The following CXorf66 variants were observed in gnomAD, a reference collection of about 807,000 sequenced individuals.
The protein encoded by CXorf66 is chromosome X open reading frame 66, also known as uncharacterized protein CXorf66.
CXorf66 carries 6 observed loss-of-function variants against 5.0 expected under a neutral mutation model. That is an observed-to-expected ratio of 1.20 (90% CI 0.65 to 2.36). The LOEUF (loss-of-function observed/expected upper bound fraction) is 2.36, where lower values mean the gene tolerates loss of function less well. CXorf66 is among the 30% of genes most tolerant of loss of function. CXorf66 has a pLI of 0.00. For missense variants in CXorf66, 270 were observed against 254.9 expected, an observed-to-expected ratio of 1.06 and a Z score of -0.40; for synonymous variants, 98 against 102.8, an observed-to-expected ratio of 0.95 and a Z score of 0.28.
intron 1 of CXorf66, among the ~76,000 whole-genome samples, chrX:139,960,086 G>A (rs2085588158): frequency 9.0e-6 from 1 of 110,565 alleles, no homozygotes; most frequent in Non-Finnish European, 1.9e-5. Context: ...TTGATGAATT[G>A]ACAGAAGTAG....
chrX:139,958,999 G>T (rs2085583936), intron 1 of CXorf66, among the ~76,000 whole-genome samples: 1 of 111,973 alleles, frequency 8.9e-6, no homozygotes, highest in African/African-American at 3.2e-5. Flanking sequence ...GGCTATTTGG[G>T]CAGACACAGA....
intron 1 of CXorf66, among the ~76,000 whole-genome samples, chrX:139,959,677 G>C (rs2085586537): frequency 8.9e-6 from 1 of 111,750 alleles, no homozygotes; most frequent in South Asian, 3.8e-4. Context: ...GGAGAGCTCT[G>C]GCTGGCATCA....
At chrX:139,962,418 G>T (rs954020086) in intron 1 of CXorf66, among the ~76,000 whole-genome samples, 9 of 111,331 alleles carry the variant, frequency 8.1e-5, no homozygotes, top group African/African-American at 2.6e-4. Context: ...TTCTGAAATT[G>T]AGGCAGTAAT....
chrX:139,965,046 G>A (rs900835184), intron 1 of CXorf66, among the ~76,000 whole-genome samples: 2 of 110,975 alleles, frequency 1.8e-5, no homozygotes, highest in Non-Finnish European at 3.8e-5. Context: ...AAACCTGCAC[G>A]TTCTGCACAT....
At chrX:139,956,846 T>C in intron 2 of CXorf66, 107 bp from the exon 3 acceptor site, 1 of 782,687 alleles carries the variant, frequency 1.3e-6, no homozygotes, top group Non-Finnish European at 1.8e-6. Flanking sequence ...TTTGGGGCTT[T>C]AATATGAAAA....
chrX:139,961,288 C>A (rs1007839235), intron 1 of CXorf66, among the ~76,000 whole-genome samples: 1 of 111,333 alleles, frequency 9.0e-6, no homozygotes, highest in Non-Finnish European at 1.9e-5. Context: ...ATCCTAGCCT[C>A]TGAAAAAACG....
chrX:139,962,814 A>T (rs1008373169), intron 1 of CXorf66, among the ~76,000 whole-genome samples: 10 of 112,156 alleles, frequency 8.9e-5, no homozygotes, highest in African/African-American at 3.2e-4. Context: ...AGAACCAATT[A>T]CAAAAGCCAC....
In CXorf66 at chrX:139,955,886, TG is replaced by T; in HGVS notation, c.*9del. On this transcript the variant is annotated 3_prime_UTR_variant, in exon 3 of 3. Transcript: ENST00000370540. ...CTCTTTCACACTTGGATTTTATTTT[TG>T]TTGAGCTCCTAATCATTTAGGGTTA... 2 of 1,164,158 alleles carry T rather than the reference TG, an allele frequency of 1.7e-6. No individual in the cohort carries two copies. Among genetic ancestry groups the T allele is most frequent in the Non-Finnish European group, 2.3e-6 (2 of 873,822 alleles).
chrX:139,960,104 A>G lies in CXorf66; in HGVS notation c.89-1887T>C, dbSNP rs1342202453. On this transcript the variant is annotated intron_variant, in intron 1 of 2. Transcript: ENST00000370540. Reference sequence around the variant, plus strand: ...ATGAATTGACAGAAGTAGACTTCAGAAGATGGGTAATAACAAACTCCTCTG... The same window carrying G: ...ATGAATTGACAGAAGTAGACTTCAGGAGATGGGTAATAACAAACTCCTCTG... Among the ~76,000 whole-genome samples the G allele has an allele frequency of 4.5e-5, 5 of 110,608 alleles. No individual in the cohort carries two copies. In the Admixed American group the frequency reaches 4.9e-4, roughly 11 times the overall value.
Position 139,958,012 on chromosome X carries a change from T to TA in CXorf66, c.242+51dup, listed in dbSNP as rs2085579862. 1.2e-5 allele frequency: 13 copies of TA among 1,089,437 alleles called. No individual in the cohort carries two copies. In the South Asian group the frequency reaches 3.1e-4, roughly 26 times the overall value. The allele number at this position is 1,089,437 out of a possible 1,213,427, so 89.8% of individuals were successfully genotyped here. On this transcript the variant is annotated intron_variant, in intron 2 of 2. Transcript: ENST00000370540. ...CTGAACAACAATGAAACCTCCGCTA[T>TA]ATGTACACACACACACACCTCGCAC... is the stretch of plus-strand genomic sequence containing the variant.
rs759094736 is a variant in CXorf66 at position 139,956,292 on chromosome X, T to C, written c.690A>G (p.Pro230=). Residue 230 remains proline, a synonymous_variant, in exon 3 of 3, where the codon CCA becomes CCG. Coordinates refer to ENST00000370540, the MANE Select transcript of CXorf66 (RefSeq NM_001013403.3). ...GCTTAGCCAATTCCTGTGGACCGAA[T>C]GGCTTGGATGGTGAGATTTCATTTT... is the stretch of plus-strand genomic sequence containing the variant. ...HPQNEISPSK[P]FGPQELAKPP... is the part of the protein sequence containing the mutation. 142 of 1,209,994 alleles carry C rather than the reference T, an allele frequency of 1.2e-4. No individual in the cohort carries two copies. The highest frequency in any genetic ancestry group is 1.5e-4 in the Non-Finnish European group (136 of 895,274).
intron 1 of CXorf66, among the ~76,000 whole-genome samples, chrX:139,960,361 A>G (rs1399857113): frequency 2.7e-5 from 3 of 109,450 alleles, no homozygotes; most frequent in Non-Finnish European, 5.7e-5. Context: ...ATAAGGTGTG[A>G]AAACAGGATT....
intron 1 of CXorf66, among the ~76,000 whole-genome samples, chrX:139,963,251 A>G (rs1244164351): frequency 8.9e-6 from 1 of 111,922 alleles, no homozygotes; most frequent in Non-Finnish European, 1.9e-5. Context: ...AATCACAAGG[A>G]TTCCTATACA....
intron 1 of CXorf66, among the ~76,000 whole-genome samples, chrX:139,960,201 A>C (rs2085588484): frequency 9.1e-6 from 1 of 109,785 alleles, no homozygotes; most frequent in Non-Finnish European, 1.9e-5. Context: ...GAAATGGCTA[A>C]CTAGAATAAC....
chrX:139,963,335 C>T (rs2085601169), intron 1 of CXorf66, among the ~76,000 whole-genome samples: 1 of 111,238 alleles, frequency 9.0e-6, no homozygotes, highest in Non-Finnish European at 1.9e-5. Flanking sequence ...GAATAAAATA[C>T]CTAGGAATAC....
chrX:139,956,901 TCA>T (rs2085576049), intron 2 of CXorf66, among the ~76,000 whole-genome samples, 162 bp from the exon 3 acceptor site: 1 of 111,866 alleles, frequency 8.9e-6, no homozygotes, highest in Non-Finnish European at 1.9e-5. Context: ...GTGTGGTGGT[TCA>T]CACCTGTAAT....
At chrX:139,960,246 G>A (rs1603422717) in intron 1 of CXorf66, among the ~76,000 whole-genome samples, 1 of 109,022 alleles carries the variant, frequency 9.2e-6, no homozygotes, top group Admixed American at 1.0e-4. Flanking sequence ...CCTGATGGAG[G>A]TGAAAAACAC....
chrX:139,957,219 A>G (rs184601100), intron 2 of CXorf66, among the ~76,000 whole-genome samples: 1 of 111,935 alleles, frequency 8.9e-6, no homozygotes, highest in Non-Finnish European at 1.9e-5. Flanking sequence ...GAAAGCCACA[A>G]CTAAGGTTAT....
chrX:139,962,731 A>G (rs1412481171), intron 1 of CXorf66, among the ~76,000 whole-genome samples: 8 of 111,842 alleles, frequency 7.2e-5, no homozygotes, highest in Non-Finnish European at 1.5e-4. Context: ...ACCACCATCA[A>G]GTCGGCTTCA....
Sources: allele counts gnomAD v4.1 joint callset (sites outside exome capture counted in the v4.1 genomes callset), GRCh38; gene constraint gnomAD v4.1.1; transcripts MANE v1.5; gene names NCBI Gene and HGNC (gene_info 2026-07-23, HGNC 2026-07-21).